Variants in SPOCK2 observed in about 807,000 individuals in gnomAD.
SPOCK2 encodes the protein SPARC (osteonectin), cwcv and kazal like domains proteoglycan 2.
SPOCK2 carries 39 observed loss-of-function variants against 60.1 expected under a neutral mutation model. The ratio of observed to expected loss-of-function variants is 0.65; its 90% confidence interval spans 0.50 to 0.85. SPOCK2 has a LOEUF of 0.85. SPOCK2 is among the 40% of genes least tolerant of loss of function. The probability of loss-of-function intolerance (pLI) is 0.00; values close to 1 mark genes in which losing one functional copy is unlikely to be tolerated. For synonymous variants in SPOCK2, 217 were observed against 231.5 expected (o/e 0.94, Z 0.57); for missense variants, 523 against 567.4 (o/e 0.92, Z 0.80).
At chr10:72,085,752 T>G (rs1840846671) in intron 1 of SPOCK2, among the ~76,000 whole-genome samples, 1 of 152,152 alleles carries the variant, frequency 6.6e-6, no homozygotes, top group Non-Finnish European at 1.5e-5. Flanking sequence ...CTCTCTCCTT[T>G]GAGGAACCAA....
At position 72,088,224 on chromosome 10, in the gene SPOCK2, G is replaced by A. The variant is rs1446554691; in HGVS notation, c.105C>T (p.Pro35=). 5 of 1,612,408 alleles carry A rather than the reference G, an allele frequency of 3.1e-6. No homozygotes were observed. Among genetic ancestry groups the A allele is most frequent in the East Asian group, 4.5e-5 (2 of 44,848 alleles). The part of the protein sequence containing the change: ...DAKGLKEGET[P]GNFMEDEQWL... ...ATTGCTCGTCCTCCATGAAATTGCCGGGGGTCTCGCCCTCCTTGAGCCCCT... is the reference window on the plus strand; with the variant it reads ...ATTGCTCGTCCTCCATGAAATTGCCAGGGGTCTCGCCCTCCTTGAGCCCCT... The change falls in exon 1 of 11, where the codon CCC becomes CCT. Residue 35 remains proline (P), a synonymous_variant. Transcript: ENST00000373109.
intron 1 of SPOCK2, 124 bp from the exon 2 acceptor site, chr10:72,073,034 A>G: frequency 7.4e-7 from 1 of 1,345,082 alleles, no homozygotes; most frequent in Non-Finnish European, 1.0e-6. Flanking sequence ...CATGTGGCCG[A>G]GCAATGGCCT....
At chr10:72,075,359 C>G (rs1840702604) in intron 1 of SPOCK2, among the ~76,000 whole-genome samples, 1 of 152,024 alleles carries the variant, frequency 6.6e-6, no homozygotes, top group Non-Finnish European at 1.5e-5. Context: ...TCAACCATAC[C>G]TGCCCTCAAC....
In SPOCK2 at chr10:72,061,506, G is replaced by C. The variant is rs528786142; in HGVS notation, c.*1254C>G. On this transcript the variant is annotated 3_prime_UTR_variant, in exon 11 of 11. Coordinates refer to ENST00000373109, the MANE Select transcript of SPOCK2 (RefSeq NM_001244950.2). ...GATCATGGTCTCAGAGTGCGGAAAGGCTGCAGCTTTCGGCAGCTGCTTCTC... is the reference window on the plus strand; with the variant it reads ...GATCATGGTCTCAGAGTGCGGAAAGCCTGCAGCTTTCGGCAGCTGCTTCTC... 6.5e-6 allele frequency: 1 copy of C among 152,892 alleles called. No homozygotes were observed. Among genetic ancestry groups the C allele is most frequent in the African/African-American group, 2.4e-5 (1 of 41,464 alleles). The allele number at this position is 152,892 out of a possible 1,614,324, so 9.5% of individuals were successfully genotyped here. A position where few individuals can be genotyped will look rare whatever the true frequency, so the allele number is the denominator to read the frequency against.
chr10:72,086,850 C>T (rs1272650333), intron 1 of SPOCK2: 1 of 1,547,530 alleles, frequency 6.5e-7, no homozygotes, highest in Non-Finnish European at 8.7e-7. Flanking sequence ...TCTGCCTCTT[C>T]CCATCACTTG....
In SPOCK2 at chr10:72,072,509, C is replaced by G; in HGVS notation, c.238G>C (p.Asp80His). 6.2e-7 allele frequency: 1 copy of G among 1,614,058 alleles called. No homozygotes were observed. Among genetic ancestry groups the G allele is most frequent in the Non-Finnish European group, 8.5e-7 (1 of 1,180,028 alleles). Residue 80 changes from aspartate (D) to histidine (H), a missense_variant, in exon 3 of 11, where the codon GAT becomes CAT. Physicochemically the swap from Asp to His is moderately conservative, Grantham distance 81. Transcript: ENST00000373109. ...IKSWEDNQQG[D>H]EALDTTKDPC... Reference sequence around the variant, plus strand: ...GCCGGGAGAGTCATGTTACCTTCATCTCCTTGCTGATTGTCCTCCCAGCTC... The same window carrying G: ...GCCGGGAGAGTCATGTTACCTTCATGTCCTTGCTGATTGTCCTCCCAGCTC...
At position 72,087,539 on chromosome 10, in the gene SPOCK2, C is replaced by T. The variant is rs985442988; in HGVS notation, c.189+601G>A. Among the ~76,000 whole-genome samples, 17 of 152,176 alleles carry T rather than the reference C, an allele frequency of 1.1e-4. No individual in the cohort carries two copies. The highest frequency in any genetic ancestry group is 3.9e-4 in the African/African-American group (16 of 41,440). On this transcript the variant is annotated intron_variant, in intron 1 of 10. Transcript: ENST00000373109. The surrounding 1 kb of genome is among the most constrained non-coding windows in gnomAD (Gnocchi z 4.7). Reference sequence around the variant, plus strand: ...ACGGGGACCCCAGCCCACCCCCGTACGGACACGCCTTCCACCATCTCGCCT... The same window carrying T: ...ACGGGGACCCCAGCCCACCCCCGTATGGACACGCCTTCCACCATCTCGCCT...
intron 1 of SPOCK2, among the ~76,000 whole-genome samples, chr10:72,080,275 T>C (rs979171716): frequency 2.6e-5 from 4 of 152,366 alleles, no homozygotes; most frequent in Non-Finnish European, 5.9e-5. Context: ...CATTTTTTAA[T>C]AGATCAAGAA....
chr10:72,066,773 C>A (rs1043324054), intron 8 of SPOCK2, 129 bp downstream of exon 8: 1 of 1,033,058 alleles, frequency 9.7e-7, no homozygotes, highest in Non-Finnish European at 1.4e-6. Context: ...AGGAAGTGGG[C>A]AAGCTGGGAA....
intron 1 of SPOCK2, among the ~76,000 whole-genome samples, chr10:72,075,979 G>T (rs1005902534): frequency 1.3e-5 from 2 of 152,212 alleles, no homozygotes; most frequent in Non-Finnish European, 2.9e-5. Flanking sequence ...GATGGCACCT[G>T]CGGGGTGCCT....
Position 72,067,741 on chromosome 10 carries a change from CAG to C in SPOCK2, c.590-11_590-10del. ...CTGACCGGTGCAAGTCTCTGCAGAA[CAG>C]AGAGAAGGCATGGAGGGCGAATGTG... On this transcript the variant is annotated splice_polypyrimidine_tract_variant and intron_variant, in intron 6 of 10. Transcript: ENST00000373109. 1 of 1,612,568 alleles carries C rather than the reference CAG, an allele frequency of 6.2e-7. No individual in the cohort carries two copies. Among genetic ancestry groups the C allele is most frequent in the South Asian group, 1.1e-5 (1 of 90,802 alleles).
intron 1 of SPOCK2, among the ~76,000 whole-genome samples, chr10:72,082,718 G>A (rs1003627565): frequency 4.6e-5 from 7 of 151,968 alleles, no homozygotes; most frequent in Admixed American, 1.3e-4. Context: ...GCCAGGCATG[G>A]TGGTGTGTGC....
Position 72,072,155 on chromosome 10 carries a change from C to T in SPOCK2, c.348G>A (p.Lys116=), listed in dbSNP as rs1840654994. 4 of 1,520,896 alleles carry T rather than the reference C, an allele frequency of 2.6e-6. No individual in the cohort carries two copies. The highest frequency in any genetic ancestry group is 1.4e-5 in the African/African-American group (1 of 72,016). The allele number at this position is 1,520,896 out of a possible 1,614,324, so 94.2% of individuals were successfully genotyped here. A position where few individuals can be genotyped will look rare whatever the true frequency, so the allele number is the denominator to read the frequency against. ...YQRAMCISRK[K]LEHRIKQPTV... is the part of the protein sequence containing the mutation. Reference sequence around the variant, plus strand: ...CCCAAACCTCTCACCTGTGCTCCAGCTTCTTGCGACTGATGCACATGGCCC... The same window carrying T: ...CCCAAACCTCTCACCTGTGCTCCAGTTTCTTGCGACTGATGCACATGGCCC... Residue 116 remains lysine (K), a synonymous_variant, in exon 4 of 11, where the codon AAG becomes AAA. Coordinates refer to ENST00000373109, the MANE Select transcript of SPOCK2 (RefSeq NM_001244950.2).
chr10:72,065,794 C>T (rs1840559896), intron 8 of SPOCK2, among the ~76,000 whole-genome samples: 1 of 152,244 alleles, frequency 6.6e-6, no homozygotes, highest in Non-Finnish European at 1.5e-5. Context: ...CAATACCACA[C>T]ATTTGCAGAG....
In SPOCK2 at chr10:72,087,776, C is replaced by T. The variant is rs531357538; in HGVS notation, c.189+364G>A. 6.6e-6 allele frequency among the ~76,000 whole-genome samples: 1 copy of T among 152,250 alleles called. No individual in the cohort carries two copies. The highest frequency in any genetic ancestry group is 2.4e-5 in the African/African-American group (1 of 41,570). ...CTGGGGCAGGCCCGGGGGCGGCTCG[C>T]ACAACGCAGCTGGGGACCGGGTCGG... On this transcript the variant is annotated intron_variant, in intron 1 of 10. Coordinates refer to ENST00000373109, the MANE Select transcript of SPOCK2 (RefSeq NM_001244950.2). The surrounding 1 kb of genome is among the most constrained non-coding windows in gnomAD (Gnocchi z 4.7).
At chr10:72,071,384 TCAC>T (rs1186145005) in intron 4 of SPOCK2, among the ~76,000 whole-genome samples, 1 of 152,184 alleles carries the variant, frequency 6.6e-6, no homozygotes, top group Admixed American at 6.5e-5. Flanking sequence ...AGATGGGGTT[TCAC>T]CACATTGGTC....
At chr10:72,066,020 C>T (rs1185077782) in intron 8 of SPOCK2, among the ~76,000 whole-genome samples, 2 of 152,144 alleles carry the variant, frequency 1.3e-5, no homozygotes, top group Admixed American at 1.3e-4. Context: ...GGAGAAGCAT[C>T]CAGTGAGGAA....
At chr10:72,081,532 C>G (rs1332557948) in intron 1 of SPOCK2, among the ~76,000 whole-genome samples, 1 of 152,244 alleles carries the variant, frequency 6.6e-6, no homozygotes, top group African/African-American at 2.4e-5. Context: ...ACATGTCTGA[C>G]AGGTGGCTGG....
rs985442988 is a variant in SPOCK2, at chr10:72,087,539, C to G, written c.189+601G>C. 6.6e-6 allele frequency among the ~76,000 whole-genome samples: 1 copy of G among 152,176 alleles called. No individual in the cohort carries two copies. Among genetic ancestry groups the G allele is most frequent in the East Asian group, 1.9e-4 (1 of 5,174 alleles). On this transcript the variant is annotated intron_variant, in intron 1 of 10. Transcript: ENST00000373109. This position sits in a 1 kb window ranked among gnomAD's most constrained non-coding sequence, Gnocchi z 4.7. ...ACGGGGACCCCAGCCCACCCCCGTA[C>G]GGACACGCCTTCCACCATCTCGCCT... is the stretch of plus-strand genomic sequence containing the variant.
Sources: allele counts gnomAD v4.1 joint callset (sites outside exome capture counted in the v4.1 genomes callset), GRCh38; gene constraint gnomAD v4.1.1; non-coding constraint Gnocchi (gnomAD v3.1); transcripts MANE v1.5; gene names NCBI Gene and HGNC (gene_info 2026-07-23, HGNC 2026-07-21).